NCAM2: variants seen among roughly 807,000 people sequenced by gnomAD.
The protein encoded by NCAM2 is N-CAM-2.
Under a neutral mutation model 98.1 loss-of-function variants are expected in NCAM2, and 30 were observed. The ratio of observed to expected loss-of-function variants is 0.31; its 90% CI spans 0.23 to 0.41. The LOEUF is 0.41. NCAM2 is among the 10% of genes least tolerant of loss of function. The probability of loss-of-function intolerance (pLI) is 1.00; values close to 1 mark genes in which losing one functional copy is unlikely to be tolerated. For synonymous variants in NCAM2, 368 were observed against 342.4 expected (o/e 1.07, Z -0.83); for missense variants, 867 against 1,005.8 (o/e 0.86, Z 1.87).
At chr21:21,212,962 G>C (rs561898463) in intron 1 of NCAM2, among the ~76,000 whole-genome samples, 4 of 151,864 alleles carry the variant, frequency 2.6e-5, no homozygotes, top group Non-Finnish European at 5.9e-5. Flanking sequence ...GGATGGTCTC[G>C]ATCTCCTGAC....
At chr21:21,429,258 CTCT>C (rs2077278717) in intron 11 of NCAM2, among the ~76,000 whole-genome samples, 1 of 152,168 alleles carries the variant, frequency 6.6e-6, no homozygotes, top group African/African-American at 2.4e-5. Flanking sequence ...AAAACAAAGG[CTCT>C]TCTTTCTCTG....
intron 1 of NCAM2, among the ~76,000 whole-genome samples, chr21:21,244,535 C>A (rs893789768): frequency 6.6e-6 from 1 of 151,696 alleles, no homozygotes; most frequent in Non-Finnish European, 1.5e-5. Context: ...TATTAAATGC[C>A]AAAATTATAT....
chr21:21,232,184 G>A (rs758929734), intron 1 of NCAM2, among the ~76,000 whole-genome samples: 1 of 151,370 alleles, frequency 6.6e-6, no homozygotes, highest in Non-Finnish European at 1.5e-5. Flanking sequence ...TGTCACCCAA[G>A]TAATGCTAGA....
At chr21:21,413,204 A>G (rs1025316092) in intron 10 of NCAM2, among the ~76,000 whole-genome samples, 3 of 152,186 alleles carry the variant, frequency 2.0e-5, no homozygotes, top group Non-Finnish European at 4.4e-5. Flanking sequence ...GTGGGCAAAC[A>G]TTGAAAGAAG....
intron 1 of NCAM2, among the ~76,000 whole-genome samples, chr21:21,114,627 T>A (rs890147413): frequency 1.3e-5 from 2 of 152,152 alleles, no homozygotes; most frequent in Non-Finnish European, 2.9e-5. Flanking sequence ...ATGCCAATGG[T>A]ACTACAAAAG....
At chr21:21,375,660 G>T (rs1008379809) in intron 9 of NCAM2, among the ~76,000 whole-genome samples, 6 of 150,050 alleles carry the variant, frequency 4.0e-5, no homozygotes, top group African/African-American at 7.3e-5. Flanking sequence ...CAGTACATTT[G>T]TTATATTTTT....
intron 1 of NCAM2, among the ~76,000 whole-genome samples, chr21:21,270,034 C>T (rs959588756): frequency 6.6e-6 from 1 of 152,162 alleles, no homozygotes; most frequent in African/African-American, 2.4e-5. Context: ...AAAGCACTTA[C>T]ATAAGCATCT....
At chr21:21,023,486 T>C (rs1372581749) in intron 1 of NCAM2, among the ~76,000 whole-genome samples, 1 of 150,866 alleles carries the variant, frequency 6.6e-6, no homozygotes, top group East Asian at 2.0e-4. Context: ...GTTGTGCCAC[T>C]GCACTCCAGT....
chr21:21,140,858 C>A (rs1486094498), intron 1 of NCAM2, among the ~76,000 whole-genome samples: 1 of 152,098 alleles, frequency 6.6e-6, no homozygotes, highest in Non-Finnish European at 1.5e-5. Flanking sequence ...AATCTCTGAA[C>A]ATTGCTATGA....
At chr21:21,417,903 C>G in intron 10 of NCAM2, among the ~76,000 whole-genome samples, 1 of 151,980 alleles carries the variant, frequency 6.6e-6, no homozygotes, top group East Asian at 1.9e-4. Context: ...TAAGAATGAT[C>G]CTTCCTCCTT....
At chr21:21,454,629 G>C (rs1475881) in intron 12 of NCAM2, among the ~76,000 whole-genome samples, 20,741 of 151,798 alleles carry the variant, frequency 0.14, 1,432 homozygotes, top group Middle Eastern at 0.14. Flanking sequence ...CCCTGTATTT[G>C]TTGGTTTCAG....
intron 8 of NCAM2, among the ~76,000 whole-genome samples, chr21:21,355,896 A>G (rs2075466345): frequency 6.6e-6 from 1 of 152,126 alleles, no homozygotes; most frequent in Admixed American, 6.5e-5. Context: ...GGCGTGAACC[A>G]CTGCTCCCGG....
Position 21,047,716 on chromosome 21 carries a change from A to T in NCAM2, c.55+49098A>T, listed in dbSNP as rs375727538. Among the ~76,000 whole-genome samples the T allele has an allele frequency of 1.5e-4, 23 of 152,274 alleles. No individual in the cohort carries two copies. In the East Asian group the frequency reaches 4.4e-3, roughly 29 times the overall value. On this transcript the variant is annotated intron_variant, in intron 1 of 17. Coordinates refer to ENST00000400546, the MANE Select transcript of NCAM2 (RefSeq NM_004540.5). ...GCATTGTTTTTTTCTTTCATAACTCATTAACTTGCTAATGGCCATTTTACT... is the reference window on the plus strand; with the variant it reads ...GCATTGTTTTTTTCTTTCATAACTCTTTAACTTGCTAATGGCCATTTTACT...
chr21:21,215,782 A>G (rs902403085), intron 1 of NCAM2, among the ~76,000 whole-genome samples: 3 of 152,034 alleles, frequency 2.0e-5, no homozygotes, highest in Admixed American at 6.6e-5. Context: ...ATGTACATGC[A>G]TGCATGCCTG....
intron 8 of NCAM2, 59 bp from the exon 9 acceptor site, chr21:21,373,804 G>T: frequency 7.2e-7 from 1 of 1,391,180 alleles, no homozygotes; most frequent in Non-Finnish European, 9.6e-7. Flanking sequence ...TATATGTTTG[G>T]TCACCATTTT....
At chr21:21,361,833 G>C (rs1473189630) in intron 8 of NCAM2, among the ~76,000 whole-genome samples, 1 of 151,910 alleles carries the variant, frequency 6.6e-6, no homozygotes, top group Non-Finnish European at 1.5e-5. Context: ...GTCTTTTTCT[G>C]TTTAGGAAAA....
chr21:21,534,546 A>C lies in NCAM2; in HGVS notation c.2292A>C (p.Gly764=), dbSNP rs781023152. The change falls in exon 17 of 18, where the codon GGA becomes GGC. Residue 764 remains glycine (G), a synonymous_variant. Coordinates refer to ENST00000400546, the MANE Select transcript of NCAM2 (RefSeq NM_004540.5). ...EEGKAAYLKD[G]SKEPIVEMRT... Reference sequence around the variant, plus strand: ...CTCTTTATGTTTCTAGGAAAGATGGATCAAAAGAACCAATAGTGGAGATGA... The same window carrying C: ...CTCTTTATGTTTCTAGGAAAGATGGCTCAAAAGAACCAATAGTGGAGATGA... The C allele has an allele frequency of 1.3e-6, 2 of 1,592,706 alleles. No homozygotes were observed. Among genetic ancestry groups the C allele is most frequent in the Non-Finnish European group, 1.7e-6 (2 of 1,167,954 alleles).
intron 1 of NCAM2, among the ~76,000 whole-genome samples, chr21:21,079,460 C>G (rs1035020082): frequency 6.6e-6 from 1 of 152,060 alleles, no homozygotes; most frequent in Non-Finnish European, 1.5e-5. Flanking sequence ...GAAAATTGTG[C>G]TAAAAGGATT....
chr21:21,004,509 A>G (rs1009920532), intron 1 of NCAM2, among the ~76,000 whole-genome samples: 1 of 152,200 alleles, frequency 6.6e-6, no homozygotes, highest in Non-Finnish European at 1.5e-5. Flanking sequence ...TCATTTGTTT[A>G]AAAATTTGCA....
Sources: gnomAD v4.1 joint callset for allele counts (sites outside exome capture counted in the v4.1 genomes callset) on GRCh38, gnomAD v4.1.1 for gene constraint, MANE v1.5 for transcripts, NCBI Gene and HGNC (gene_info 2026-07-23, HGNC 2026-07-21) for gene names.